The following SPATA18 variants were observed in gnomAD, a reference collection of about 807,000 sequenced individuals.
SPATA18 encodes mitochondria-eating protein.
A neutral mutation model predicts 68.1 loss-of-function variants in SPATA18; 54 were observed. The ratio of observed to expected loss-of-function variants is 0.79; its 90% CI spans 0.64 to 0.99. The LOEUF is 0.99. Ranked by LOEUF, SPATA18 falls within the 50% of genes least tolerant of loss-of-function variation. The probability of loss-of-function intolerance (pLI) is 0.00; values close to 1 mark genes in which losing one functional copy is unlikely to be tolerated. For synonymous variants in SPATA18, 242 were observed against 244.8 expected (o/e 0.99, Z 0.11); for missense variants, 724 against 681.1 (o/e 1.06, Z -0.70).
rs766771909 is a variant in SPATA18 at position 52,079,698 on chromosome 4, TTTG to T, written c.1180-44_1180-42del. 3 of 1,600,400 alleles carry T rather than the reference TTTG, an allele frequency of 1.9e-6. No homozygotes were observed. The South Asian group carries it at 3.4e-5, about 18-fold the overall frequency. ...AATATTCTTAGGATGTCAGAGTGTT[TTTG>T]TCACAGGCTGGTAACAAAGTGATGC... On this transcript the variant is annotated intron_variant, in intron 8 of 12. Transcript: ENST00000295213.
intron 2 of SPATA18, 49 bp from the exon 3 acceptor site, chr4:52,060,733 G>A (rs764587218): frequency 6.1e-6 from 9 of 1,471,978 alleles, no homozygotes; most frequent in Non-Finnish European, 1.9e-6. Flanking sequence ...ATGTATACAT[G>A]TGCCATGTTG....
chr4:52,055,007 T>G (rs988526944), intron 1 of SPATA18, among the ~76,000 whole-genome samples: 8 of 151,964 alleles, frequency 5.3e-5, no homozygotes, highest in Admixed American at 1.3e-4. Context: ...TCTTAAGATC[T>G]CTATTTTAAC....
At chr4:52,087,878 G>A (rs908171694) in intron 11 of SPATA18, among the ~76,000 whole-genome samples, 1 of 152,108 alleles carries the variant, frequency 6.6e-6, no homozygotes, top group East Asian at 1.9e-4. Context: ...CCATTTTCAC[G>A]ATATTAACTC....
Position 52,062,260 on chromosome 4 carries a change from G to A in SPATA18, c.350G>A (p.Arg117Gln), listed in dbSNP as rs758388963. ...DRERHKDPSPRDRDMQQLDSN... is the reference protein window; with the variant it reads ...DRERHKDPSPQDRDMQQLDSN... The stretch of plus-strand genomic sequence containing the variant: ...GAGAGACATAAAGATCCCAGTCCTC[G>A]GGATCGGGATATGCAACAGTTAGAC... The change falls in exon 4 of 13, where the codon CGG becomes CAG. Residue 117 changes from arginine (R) to glutamine (Q), a missense_variant. Coordinates refer to ENST00000295213, the MANE Select transcript of SPATA18 (RefSeq NM_145263.4). 1.2e-5 allele frequency: 20 copies of A among 1,605,412 alleles called. No individual in the cohort carries two copies. The highest frequency in any genetic ancestry group is 4.5e-5 in the East Asian group (2 of 44,580).
At position 52,080,914 on chromosome 4, in the gene SPATA18, C is replaced by T. The variant is rs563583195; in HGVS notation, c.1355+995C>T. Among the ~76,000 whole-genome samples, 19 of 152,218 alleles carry T rather than the reference C, an allele frequency of 1.2e-4. 1 individual carries two copies. Among genetic ancestry groups the T allele is most frequent in the Non-Finnish European group, 2.1e-4 (14 of 68,040 alleles). On this transcript the variant is annotated intron_variant, in intron 9 of 12. Transcript: ENST00000295213. ...TGATGAGGGAGGATGGATAGTACCA[C>T]TCAGAATCATTCACTTTCTTTCACT... is the stretch of plus-strand genomic sequence containing the variant.
intron 5 of SPATA18, among the ~76,000 whole-genome samples, chr4:52,071,217 C>CGAAG (rs1560593144): frequency 9.9e-5 from 15 of 152,208 alleles, no homozygotes; most frequent in African/African-American, 3.6e-4. Flanking sequence ...TTAATCTTAC[C>CGAAG]TTTTCATTTT....
chr4:52,060,342 A>G (rs1578150044), intron 1 of SPATA18, 77 bp from the exon 2 acceptor site: 1 of 1,212,714 alleles, frequency 8.2e-7, no homozygotes, highest in East Asian at 2.4e-5. Flanking sequence ...TCGTGGGTCA[A>G]GTGAGGCCCT....
At chr4:52,076,192 GA>G (rs1399462880) in intron 6 of SPATA18, among the ~76,000 whole-genome samples, 2 of 152,154 alleles carry the variant, frequency 1.3e-5, no homozygotes, top group Non-Finnish European at 2.9e-5. Flanking sequence ...TTAGGGGATG[GA>G]GCAGATGGGG....
intron 11 of SPATA18, among the ~76,000 whole-genome samples, chr4:52,087,627 A>G (rs1741551767): frequency 6.6e-6 from 1 of 152,104 alleles, no homozygotes; most frequent in African/African-American, 2.4e-5. Context: ...CCATTGGTCT[A>G]TATATCTGTT....
chr4:52,094,388 T>C, intron 11 of SPATA18, 139 bp from the exon 12 acceptor site: 1 of 699,410 alleles, frequency 1.4e-6, no homozygotes, highest in East Asian at 2.7e-5. Flanking sequence ...ATAGTCAACC[T>C]TAGGGTGAAA....
chr4:52,087,024 G>A (rs1219713583), intron 11 of SPATA18, among the ~76,000 whole-genome samples: 2 of 152,166 alleles, frequency 1.3e-5, no homozygotes, highest in East Asian at 3.9e-4. Flanking sequence ...CAGTGATGAT[G>A]AGCATTTTTT....
rs776074982 is a variant in SPATA18, at chr4:52,082,488, C to T, written c.1457C>T (p.Ala486Val). The T allele has an allele frequency of 1.9e-6, 3 of 1,614,154 alleles. No individual in the cohort carries two copies. In the South Asian group the frequency reaches 3.3e-5, roughly 18 times the overall value. ...GACTGTGTCATTATGAAGGGAGAAG[C>T]TGTCACCAGGAGAGGGGCTTTTGTA... is the stretch of plus-strand genomic sequence containing the variant. ...ENDCVIMKGE[A>V]VTRRGAFWNS... Residue 486 changes from alanine to valine, a missense_variant, in exon 10 of 13, where the codon GCT becomes GTT. Physicochemically the swap from Ala to Val is moderately conservative, Grantham distance 64. Coordinates refer to ENST00000295213, the MANE Select transcript of SPATA18 (RefSeq NM_145263.4).
chr4:52,075,541 G>A (rs530459677), intron 6 of SPATA18, among the ~76,000 whole-genome samples: 8 of 152,336 alleles, frequency 5.3e-5, no homozygotes, highest in Non-Finnish European at 8.8e-5. Context: ...TTGATAGGCT[G>A]TTAGGGATTT....
At chr4:52,076,159 T>C (rs1244839900) in intron 6 of SPATA18, among the ~76,000 whole-genome samples, 1 of 152,046 alleles carries the variant, frequency 6.6e-6, no homozygotes, top group Non-Finnish European at 1.5e-5. Flanking sequence ...AGGGATAAAG[T>C]ATATGGACAT....
chr4:52,069,355 AC>A (rs1739599282), intron 4 of SPATA18, among the ~76,000 whole-genome samples: 1 of 152,178 alleles, frequency 6.6e-6, no homozygotes, highest in South Asian at 2.1e-4. Flanking sequence ...GATTGTGAGG[AC>A]TTTATAGGTG....
chr4:52,085,978 A>G (rs900366472), intron 11 of SPATA18, among the ~76,000 whole-genome samples: 3 of 152,210 alleles, frequency 2.0e-5, no homozygotes, highest in African/African-American at 7.2e-5. Flanking sequence ...TCATTTATTC[A>G]ACACATATTT....
rs1320814823 is a variant in SPATA18 at position 52,051,664 on chromosome 4, G to T, written c.-41G>T. 1 of 1,600,116 alleles carries T rather than the reference G, an allele frequency of 6.2e-7. No homozygotes were observed. The highest frequency in any genetic ancestry group is 8.6e-7 in the Non-Finnish European group (1 of 1,167,296). ...GGAGGCCACCGCCTGGTCCCCCCAAGTCTCCATCGCGCAGCGTGGGGCCGA... is the reference window on the plus strand; with the variant it reads ...GGAGGCCACCGCCTGGTCCCCCCAATTCTCCATCGCGCAGCGTGGGGCCGA... On this transcript the variant is annotated 5_prime_UTR_variant, in exon 1 of 13. Coordinates refer to ENST00000295213, the MANE Select transcript of SPATA18 (RefSeq NM_145263.4).
intron 6 of SPATA18, among the ~76,000 whole-genome samples, chr4:52,075,104 AG>A (rs1740219507): frequency 1.3e-5 from 2 of 152,128 alleles, no homozygotes; most frequent in African/African-American, 4.8e-5. Flanking sequence ...CTTAGGAGAA[AG>A]AAGTGCCCCT....
rs940293048 is a variant in SPATA18 at position 52,076,769 on chromosome 4, T to A, written c.759-10T>A. On this transcript the variant is annotated splice_polypyrimidine_tract_variant and intron_variant, in intron 6 of 12. Coordinates refer to ENST00000295213, the MANE Select transcript of SPATA18 (RefSeq NM_145263.4). ...AAGGATTTCCCTGGCTGATTCTCGC[T>A]CACCAACAGGTCCTCCAGGAGCCGG... is the stretch of plus-strand genomic sequence containing the variant. The A allele has an allele frequency of 5.0e-6, 8 of 1,610,798 alleles. No homozygotes were observed. The Admixed American group carries it at 1.3e-4, about 27-fold the overall frequency.
Sources: allele counts gnomAD v4.1 joint callset (sites outside exome capture counted in the v4.1 genomes callset), GRCh38; gene constraint gnomAD v4.1.1; transcripts MANE v1.5; gene names NCBI Gene and HGNC (gene_info 2026-07-23, HGNC 2026-07-21).